The following XKR6 variants were observed in gnomAD, a reference collection of about 807,000 sequenced individuals.
XKR6 encodes XK related 6, also known as XK-related protein 6.
XKR6 carries 22 observed loss-of-function variants against 56.7 expected under a neutral mutation model. That is an observed-to-expected ratio of 0.39 (90% CI 0.28 to 0.55). The LOEUF (loss-of-function observed/expected upper bound fraction) is 0.55. Ranked by LOEUF, XKR6 falls within the 20% of genes least tolerant of loss-of-function variation. The pLI, the probability that XKR6 is intolerant of heterozygous loss-of-function variation, is 0.66. For synonymous variants in XKR6, 524 were observed against 387.8 expected (o/e 1.35, Z -4.13); for missense variants, 852 against 889.0 (o/e 0.96, Z 0.53).
At chr8:11,112,506 A>G (rs1798951623) in intron 1 of XKR6, among the ~76,000 whole-genome samples, 1 of 152,252 alleles carries the variant, frequency 6.6e-6, no homozygotes, top group Non-Finnish European at 1.5e-5. Flanking sequence ...TTAATATACA[A>G]AAGTGAGCTG....
At chr8:11,186,515 C>T (rs938748154) in intron 1 of XKR6, among the ~76,000 whole-genome samples, 5 of 152,096 alleles carry the variant, frequency 3.3e-5, no homozygotes, top group Non-Finnish European at 1.5e-5. Context: ...TAGCTGGGAA[C>T]CACAGGTGTG....
intron 1 of XKR6, among the ~76,000 whole-genome samples, chr8:11,050,052 C>A (rs909673806): frequency 6.6e-6 from 1 of 152,162 alleles, no homozygotes; most frequent in African/African-American, 2.4e-5. Context: ...CCTTGAGCAA[C>A]ACGCTCCAGT....
chr8:10,932,567 C>A (rs1801086792), intron 1 of XKR6, among the ~76,000 whole-genome samples: 1 of 109,018 alleles, frequency 9.2e-6, no homozygotes, highest in South Asian at 3.9e-4. Context: ...CAATGCTATC[C>A]CTCCCCCCTC....
At position 11,200,483 on chromosome 8, in the gene XKR6, C is replaced by CT. The variant is rs2117172633; in HGVS notation, c.764+92dup. The stretch of plus-strand genomic sequence containing the variant: ...CGGTCCCTCCTTCGAGCCCCCCGCG[C>CT]TGGGCCCTTTCGAGGGGCCGCCCCG... On this transcript the variant is annotated intron_variant, in intron 1 of 2. Coordinates refer to ENST00000416569, the MANE Select transcript of XKR6 (RefSeq NM_173683.4). The surrounding 1 kb of genome is among the most constrained non-coding windows in gnomAD (Gnocchi z 6.4). 7.5e-7 allele frequency: 1 copy of CT among 1,335,558 alleles called. No homozygotes were observed. The highest frequency in any genetic ancestry group is 3.1e-5 in the East Asian group (1 of 32,468). 82.7% of individuals were successfully genotyped at this position (1,335,558 alleles called of 1,614,324 possible).
At position 11,073,552 on chromosome 8, in the gene XKR6, C is replaced by A. The variant is rs116796807; in HGVS notation, c.764+127024G>T. Among the ~76,000 whole-genome samples the A allele has an allele frequency of 1.1e-3, 163 of 152,312 alleles. 1 individual carries two copies. The highest frequency in any genetic ancestry group is 3.7e-3 in the African/African-American group (155 of 41,574). On this transcript the variant is annotated intron_variant, in intron 1 of 2. Transcript: ENST00000416569. ...TTGAAACAGCCCAGATTTAGTCTTTCGCTGTAACATATGCACTGATCAATA... is the reference window on the plus strand; with the variant it reads ...TTGAAACAGCCCAGATTTAGTCTTTAGCTGTAACATATGCACTGATCAATA...
chr8:11,038,816 C>T (rs1586463593), intron 1 of XKR6, among the ~76,000 whole-genome samples: 2 of 152,108 alleles, frequency 1.3e-5, no homozygotes, highest in South Asian at 2.1e-4. Context: ...GCTGGGATTA[C>T]AGGCATGAGC....
chr8:11,085,569 G>C (rs1043645336), intron 1 of XKR6, among the ~76,000 whole-genome samples: 2 of 152,176 alleles, frequency 1.3e-5, no homozygotes, highest in Admixed American at 6.5e-5. Flanking sequence ...AGAATGGGGA[G>C]TGGGCACTGC....
chr8:11,180,497 C>A (rs911511413), intron 1 of XKR6, among the ~76,000 whole-genome samples: 28 of 152,240 alleles, frequency 1.8e-4, no homozygotes, highest in Non-Finnish European at 5.9e-5. Context: ...ACATACCCTG[C>A]AAGGGTGGGG....
At chr8:11,132,922 C>T (rs1800185221) in intron 1 of XKR6, among the ~76,000 whole-genome samples, 1 of 150,400 alleles carries the variant, frequency 6.6e-6, no homozygotes, top group African/African-American at 2.4e-5. Context: ...ACAAAAGTTG[C>T]TTTTCAATTT....
In XKR6 at chr8:11,144,244, G is replaced by GTGTGTGTGTGTGTGTGTGTGTGTGTA. The variant is rs767539492; in HGVS notation, c.764+56331_764+56332insTACACACACACACACACACACACACA. ...AAAAAGTGTGTGTGTGTGTGTGTGT[G>GTGTGTGTGTGTGTGTGTGTGTGTGTA]TGTGTGTGTGTATCTAAAGTAGGCT... On this transcript the variant is annotated intron_variant, in intron 1 of 2. Transcript: ENST00000416569. Among the ~76,000 whole-genome samples the GTGTGTGTGTGTGTGTGTGTGTGTGTA allele has an allele frequency of 3.2e-3, 473 of 149,512 alleles. 5 individuals carry two copies. The highest frequency in any genetic ancestry group is 6.6e-3 in the African/African-American group (262 of 39,940).
intron 1 of XKR6, among the ~76,000 whole-genome samples, chr8:11,043,899 C>A (rs908401930): frequency 6.6e-6 from 1 of 152,196 alleles, no homozygotes; most frequent in South Asian, 2.1e-4. Context: ...GACCTAAGGC[C>A]GTGCAGGCAA....
At chr8:11,016,609 G>T (rs967754309) in intron 1 of XKR6, among the ~76,000 whole-genome samples, 6 of 152,202 alleles carry the variant, frequency 3.9e-5, no homozygotes, top group Admixed American at 2.0e-4. Flanking sequence ...TGCAGCGCGG[G>T]CCCTCGGTAG....
intron 1 of XKR6, among the ~76,000 whole-genome samples, chr8:11,052,934 C>T (rs1313566237): frequency 1.3e-5 from 2 of 152,182 alleles, no homozygotes; most frequent in South Asian, 4.1e-4. Context: ...ACCGCTGAAG[C>T]CCCGGCCTGT....
chr8:11,112,002 A>G (rs950838280), intron 1 of XKR6: 1 of 152,254 alleles, frequency 6.6e-6, no homozygotes, highest in African/African-American at 2.4e-5. Context: ...AATACTTTTT[A>G]TCGTCTTACC....
At chr8:11,134,839 A>T (rs1481645983) in intron 1 of XKR6, among the ~76,000 whole-genome samples, 2 of 152,076 alleles carry the variant, frequency 1.3e-5, no homozygotes, top group Non-Finnish European at 2.9e-5. Context: ...CCAATAATAG[A>T]TCAACTAATT....
intron 1 of XKR6, among the ~76,000 whole-genome samples, chr8:10,928,163 G>A (rs910715869): frequency 6.6e-6 from 1 of 152,214 alleles, no homozygotes; most frequent in Non-Finnish European, 1.5e-5. Flanking sequence ...GTGCCAGAAC[G>A]CAAGCCACTG....
chr8:11,001,539 AC>A (rs1242522263), intron 1 of XKR6, among the ~76,000 whole-genome samples: 3 of 152,166 alleles, frequency 2.0e-5, no homozygotes, highest in Non-Finnish European at 2.9e-5. Context: ...ACTCCTCTCT[AC>A]CCCTATAGCC....
intron 1 of XKR6, chr8:11,108,683 G>T (rs978179263): frequency 1.4e-5 from 3 of 215,444 alleles, no homozygotes; most frequent in African/African-American, 7.1e-5. Flanking sequence ...AGCAATGAGC[G>T]ACCTTCAAGA....
chr8:11,085,849 C>G (rs1797868904), intron 1 of XKR6, among the ~76,000 whole-genome samples: 1 of 152,150 alleles, frequency 6.6e-6, no homozygotes, highest in Admixed American at 6.5e-5. Flanking sequence ...CTGCAGATGC[C>G]CTACCTTGCG....
Sources: gnomAD v4.1 joint callset for allele counts (sites outside exome capture counted in the v4.1 genomes callset) on GRCh38, gnomAD v4.1.1 for gene constraint, Gnocchi (gnomAD v3.1) non-coding constraint, MANE v1.5 for transcripts, NCBI Gene and HGNC (gene_info 2026-07-23, HGNC 2026-07-21) for gene names.